The following GNB4 variants were observed in gnomAD, a reference collection of about 807,000 sequenced individuals.
GNB4 encodes the protein guanine nucleotide-binding protein subunit beta-4.
In GNB4, 28 loss-of-function variants were observed where a neutral mutation model predicts 45.2. The observed-to-expected ratio is 0.62, with a 90% CI of 0.46 to 0.85. The LOEUF (loss-of-function observed/expected upper bound fraction) is 0.85. Ranked by LOEUF, GNB4 falls within the 40% of genes least tolerant of loss-of-function variation. The pLI is 0.00. For missense variants in GNB4, 321 were observed against 425.4 expected (o/e 0.75, Z 2.16); for synonymous variants, 132 against 143.7 (o/e 0.92, Z 0.58).
At chr3:179,408,871 G>GTTTCTTCTT (rs1218683599) in intron 8 of GNB4, among the ~76,000 whole-genome samples, 3 of 151,626 alleles carry the variant, frequency 2.0e-5, no homozygotes, top group African/African-American at 7.3e-5. Flanking sequence ...GAAGGGCCAG[G>GTTTCTTCTT]CATGGTGGCT....
intron 6 of GNB4, 108 bp downstream of exon 6, chr3:179,414,777 A>AT: frequency 1.3e-6 from 1 of 774,694 alleles, no homozygotes; most frequent in Middle Eastern, 3.3e-4. Context: ...TTCCCACCCG[A>AT]TTAATCCTCA....
the GNB4 span, among the ~76,000 whole-genome samples, chr3:179,477,407 T>C: frequency 6.6e-6 from 1 of 152,256 alleles, no homozygotes; most frequent in Non-Finnish European, 1.5e-5. Flanking sequence ...TCTTAAATTA[T>C]GTTTTCCATA....
chr3:179,520,219 G>T, the GNB4 span, among the ~76,000 whole-genome samples: 2 of 141,128 alleles, frequency 1.4e-5, no homozygotes, highest in Admixed American at 7.1e-5. Context: ...CTGTACTGCC[G>T]CAAGGCTTCA....
chr3:179,476,335 CG>C, the GNB4 span, among the ~76,000 whole-genome samples: 2 of 152,238 alleles, frequency 1.3e-5, no homozygotes, highest in Non-Finnish European at 2.9e-5. Flanking sequence ...CTGGGCACAA[CG>C]GGGTTGAGGT....
chr3:179,406,292 A>C (rs1275234728), intron 8 of GNB4, among the ~76,000 whole-genome samples: 1 of 152,138 alleles, frequency 6.6e-6, no homozygotes, highest in Admixed American at 6.5e-5. Flanking sequence ...TGTATCTTTT[A>C]ATAGCAGTAA....
chr3:179,486,862 G>T, the GNB4 span, among the ~76,000 whole-genome samples: 1 of 152,222 alleles, frequency 6.6e-6, no homozygotes, highest in South Asian at 2.1e-4. Context: ...CTTGCCCTGT[G>T]AATGGTGAGC....
At chr3:179,512,316 C>A in the GNB4 span, among the ~76,000 whole-genome samples, 1 of 152,148 alleles carries the variant, frequency 6.6e-6, no homozygotes, top group African/African-American at 2.4e-5. Flanking sequence ...TTTAAAACAA[C>A]AACAGTCTAT....
At chr3:179,472,688 T>G in the GNB4 span, among the ~76,000 whole-genome samples, 1 of 152,132 alleles carries the variant, frequency 6.6e-6, no homozygotes, top group Non-Finnish European at 1.5e-5. Flanking sequence ...TTTCTATTAC[T>G]AAAAGAAAAC....
intron 1 of GNB4, among the ~76,000 whole-genome samples, chr3:179,436,406 GAAATAAAATA>G (rs888779536): frequency 2.0e-4 from 30 of 152,010 alleles, no homozygotes; most frequent in African/African-American, 6.5e-4. Flanking sequence ...AAAATAAAAT[GAAATAAAATA>G]AAATAAAATA....
upstream of GNB4, among the ~76,000 whole-genome samples, chr3:179,454,521 A>G (rs1407845892): frequency 6.6e-6 from 1 of 152,210 alleles, no homozygotes; most frequent in East Asian, 1.9e-4. Flanking sequence ...TCAAGTTCAG[A>G]GAAGCTCTGC....
chr3:179,455,797 T>C (rs1366917751), upstream of GNB4, among the ~76,000 whole-genome samples: 1 of 152,226 alleles, frequency 6.6e-6, no homozygotes, highest in Non-Finnish European at 1.5e-5. Flanking sequence ...CTCTGTTCCA[T>C]GCTGGCTCAG....
intron 1 of GNB4, among the ~76,000 whole-genome samples, chr3:179,432,967 T>TC (rs1039616577): frequency 6.6e-6 from 1 of 152,182 alleles, no homozygotes; most frequent in African/African-American, 2.4e-5. Flanking sequence ...GAAGAAATCC[T>TC]CCATTGGGTC....
the GNB4 span, among the ~76,000 whole-genome samples, chr3:179,479,099 G>A: frequency 6.6e-6 from 1 of 152,042 alleles, no homozygotes; most frequent in Non-Finnish European, 1.5e-5. Flanking sequence ...CTTTATAGCA[G>A]TGCGAGAATA....
chr3:179,435,470 C>CAAAAAA (rs11389978), intron 1 of GNB4, among the ~76,000 whole-genome samples: 1 of 96,026 alleles, frequency 1.0e-5, no homozygotes, highest in African/African-American at 4.2e-5. Flanking sequence ...CTTTCTTTTA[C>CAAAAAA]AAAAAAAAAA....
the GNB4 span, among the ~76,000 whole-genome samples, chr3:179,498,747 TGG>T: frequency 0.071 from 8,301 of 116,332 alleles, 641 homozygotes; most frequent in East Asian, 0.24. Context: ...GGTTGAGGTT[TGG>T]TTTTTTTTTT....
the GNB4 span, among the ~76,000 whole-genome samples, chr3:179,514,668 G>T: frequency 6.6e-6 from 1 of 152,176 alleles, no homozygotes; most frequent in Non-Finnish European, 1.5e-5. Flanking sequence ...CAATAGGGGT[G>T]TGATTGGGCA....
the GNB4 span, among the ~76,000 whole-genome samples, chr3:179,475,118 A>AGTAT: frequency 6.6e-6 from 1 of 151,238 alleles, no homozygotes; most frequent in Non-Finnish European, 1.5e-5. Flanking sequence ...TTTTATTTTT[A>AGTAT]TTATTTATTT....
the GNB4 span, among the ~76,000 whole-genome samples, chr3:179,498,160 G>A: frequency 1.3e-5 from 2 of 152,240 alleles, no homozygotes; most frequent in Non-Finnish European, 2.9e-5. Flanking sequence ...GCTGATGGAT[G>A]AAAGGATAAA....
the GNB4 span, among the ~76,000 whole-genome samples, chr3:179,508,932 G>GTGTATATA: frequency 4.3e-4 from 44 of 102,142 alleles, no homozygotes; most frequent in Non-Finnish European, 6.3e-4. Flanking sequence ...TTCAGCATGT[G>GTGTATATA]TATATATATA....
Sources: gnomAD v4.1 joint callset for allele counts (sites outside exome capture counted in the v4.1 genomes callset) on GRCh38, gnomAD v4.1.1 for gene constraint, MANE v1.5 for transcripts, NCBI Gene and HGNC (gene_info 2026-07-23, HGNC 2026-07-21) for gene names.